Variants in DGCR2 observed in about 807,000 individuals in gnomAD.
DGCR2 encodes the protein integral membrane protein DGCR2/IDD.
DGCR2 carries 24 observed loss-of-function variants against 51.6 expected under a neutral mutation model. The observed-to-expected ratio is 0.47, with a 90% CI of 0.34 to 0.65. The LOEUF (loss-of-function observed/expected upper bound fraction) is 0.65, where lower values mean the gene tolerates loss of function less well. Among genes scored for constraint, DGCR2 ranks in the 30% least tolerant of loss-of-function variants. The pLI, the probability that DGCR2 is intolerant of heterozygous loss-of-function variation, is 0.01. For synonymous variants in DGCR2, 340 were observed against 315.4 expected, an observed-to-expected ratio of 1.08 and a Z score of -0.82; for missense variants, 765 against 772.1, an observed-to-expected ratio of 0.99 and a Z score of 0.11.
chr22:19,074,801 C>T (rs114029962), intron 2 of DGCR2, among the ~76,000 whole-genome samples: 30 of 152,202 alleles, frequency 2.0e-4, no homozygotes, highest in African/African-American at 7.2e-4. Context: ...TGGGATGCCC[C>T]GCCCCACCTT....
At chr22:19,048,125 G>C (rs1399318368) in intron 7 of DGCR2, 1 of 419,644 alleles carries the variant, frequency 2.4e-6, no homozygotes, top group African/African-American at 2.0e-5. Flanking sequence ...CCCTGGAGGC[G>C]TAAGTTTGAA....
In DGCR2 at chr22:19,065,067, C is replaced by T. The variant is rs2082733079; in HGVS notation, c.329G>A (p.Ser110Asn). The T allele has an allele frequency of 6.2e-7, 1 of 1,613,468 alleles. No individual in the cohort carries two copies. The change falls in exon 4 of 10, where the codon AGT becomes AAT. Residue 110 changes from serine (S) to asparagine (N), a missense_variant and splice_region_variant. Physicochemically the swap from Ser to Asn is conservative, Grantham distance 46 (BLOSUM62 1). Around this residue, in one of 3 missense-constraint regions of DGCR2, gnomAD observed 370 missense variants for 325.5 expected, o/e 1.14. Transcript: ENST00000263196. ...VNVAQPVRFS[S>N]FLGKCPTGWH... Reference sequence around the variant, plus strand: ...CCCTGTCGGGCACTTCCCTAGGAAACATAAAGGACAGAAGGGGAGTTGTCC... The same window carrying T: ...CCCTGTCGGGCACTTCCCTAGGAAATATAAAGGACAGAAGGGGAGTTGTCC...
chr22:19,117,082 A>C (rs1227160518), intron 1 of DGCR2, among the ~76,000 whole-genome samples: 2 of 152,086 alleles, frequency 1.3e-5, no homozygotes, highest in Non-Finnish European at 2.9e-5. Flanking sequence ...ACACACACAG[A>C]TCACTCACCT....
intron 1 of DGCR2, among the ~76,000 whole-genome samples, chr22:19,117,219 T>TTATAA (rs2083382902): frequency 6.6e-6 from 1 of 152,102 alleles, no homozygotes; most frequent in East Asian, 1.9e-4. Context: ...CTCTGGGAAG[T>TTATAA]GGGAAGGAAG....
intron 5 of DGCR2, 148 bp downstream of exon 5, chr22:19,063,054 C>G (rs942009643): frequency 2.9e-6 from 2 of 699,772 alleles, no homozygotes; most frequent in East Asian, 2.7e-5. Flanking sequence ...GCCCCATGAC[C>G]GCAGCCCTCC....
intron 1 of DGCR2, among the ~76,000 whole-genome samples, chr22:19,096,890 A>C (rs572899368): frequency 2.2e-4 from 31 of 137,958 alleles, no homozygotes; most frequent in African/African-American, 4.5e-4. Context: ...ATTAAAAAAA[A>C]AAACAAAAAA....
chr22:19,099,504 G>C (rs1354517423), intron 1 of DGCR2, among the ~76,000 whole-genome samples: 1 of 151,874 alleles, frequency 6.6e-6, no homozygotes, highest in African/African-American at 2.4e-5. Flanking sequence ...AATCACCTCA[G>C]CCTGAGAAGT....
chr22:19,057,652 T>A lies in DGCR2; in HGVS notation c.626-490A>T, dbSNP rs554920763. Among the ~76,000 whole-genome samples, 1 of 152,200 alleles carries A rather than the reference T, an allele frequency of 6.6e-6. No individual in the cohort carries two copies. The highest frequency in any genetic ancestry group is 1.5e-5 in the Non-Finnish European group (1 of 68,018). On this transcript the variant is annotated intron_variant, in intron 5 of 9. Transcript: ENST00000263196. The surrounding 1 kb of genome is among the most constrained non-coding windows in gnomAD (Gnocchi z 5.1). ...AGGAGAAAGGCGCCGTCAGGCAGCA[T>A]TGGCACTGGCCGGCACTGCCAGCAG...
At chr22:19,078,920 T>C (rs540573176) in intron 2 of DGCR2, among the ~76,000 whole-genome samples, 3 of 152,334 alleles carry the variant, frequency 2.0e-5, no homozygotes, top group African/African-American at 7.2e-5. Context: ...CTTTAAACGT[T>C]TGGAGAATTC....
chr22:19,062,779 A>ACTCTCTCTCTCTCT (rs11471797), intron 5 of DGCR2, among the ~76,000 whole-genome samples: 126 of 127,412 alleles, frequency 9.9e-4, no homozygotes, highest in African/African-American at 1.9e-3. Context: ...ATGCATGCTC[A>ACTCTCTCTCTCTCT]CTCTCTCTCT....
At chr22:19,095,529 C>T (rs1601280612) in intron 1 of DGCR2, among the ~76,000 whole-genome samples, 1 of 151,580 alleles carries the variant, frequency 6.6e-6, no homozygotes, top group South Asian at 2.1e-4. Context: ...GGCGTGGTGG[C>T]GGGCGCCTGT....
intron 7 of DGCR2, chr22:19,046,739 G>T: frequency 2.3e-6 from 1 of 439,820 alleles, no homozygotes; most frequent in Admixed American, 2.4e-5. Flanking sequence ...GCAGAGCAGG[G>T]CCCAGCTAAG....
At chr22:19,069,494 C>G (rs1026636836) in intron 2 of DGCR2, among the ~76,000 whole-genome samples, 11 of 152,348 alleles carry the variant, frequency 7.2e-5, no homozygotes, top group Non-Finnish European at 1.0e-4. Flanking sequence ...ATGCGAGCAT[C>G]TGCCCCCTCA....
chr22:19,122,063 G>C (rs1487122660), intron 1 of DGCR2, 65 bp downstream of exon 1: 4 of 1,275,114 alleles, frequency 3.1e-6, no homozygotes, highest in African/African-American at 1.6e-5. Flanking sequence ...GTGAAAGGAG[G>C]TCCCGGGGCG....
chr22:19,054,122 A>G (rs2082576710), intron 6 of DGCR2, among the ~76,000 whole-genome samples: 1 of 152,236 alleles, frequency 6.6e-6, no homozygotes. Flanking sequence ...GGAATAATGG[A>G]TTGTGGATTA....
Position 19,038,970 on chromosome 22 carries a change from G to C in DGCR2, c.1548C>G (p.Ala516=). The change falls in exon 10 of 10, where the codon GCC becomes GCG. Residue 516 remains alanine, a synonymous_variant. Coordinates refer to ENST00000263196, the MANE Select transcript of DGCR2 (RefSeq NM_005137.3). ...DLEDSADSSS[A]LLVPPDPAQS... ...GGGCAGGGTCAGGGGGCACGAGCAG[G>C]GCGCTGCTGCTGTCGGCAGAGTCTT... 1 of 1,612,010 alleles carries C rather than the reference G, an allele frequency of 6.2e-7. No individual in the cohort carries two copies. The highest frequency in any genetic ancestry group is 1.7e-5 in the Admixed American group (1 of 59,878).
chr22:19,085,018 T>A (rs1333184160), intron 2 of DGCR2, among the ~76,000 whole-genome samples: 1 of 151,168 alleles, frequency 6.6e-6, no homozygotes, highest in Non-Finnish European at 1.5e-5. Flanking sequence ...GATTGAGAAA[T>A]CGGATGGTTG....
intron 6 of DGCR2, among the ~76,000 whole-genome samples, chr22:19,056,776 C>A (rs916938168): frequency 6.6e-6 from 1 of 152,054 alleles, no homozygotes; most frequent in Non-Finnish European, 1.5e-5. Flanking sequence ...AAGCTGGGCT[C>A]TAAGATGCTT....
intron 1 of DGCR2, among the ~76,000 whole-genome samples, chr22:19,112,534 T>G (rs1423480973): frequency 7.6e-6 from 1 of 132,098 alleles, no homozygotes; most frequent in Non-Finnish European, 1.7e-5. Flanking sequence ...CTCTGCTCAC[T>G]GGGCTCAAAC....
Sources: gnomAD v4.1 joint callset for allele counts (sites outside exome capture counted in the v4.1 genomes callset) on GRCh38, gnomAD v4.1.1 for gene constraint, gnomAD v4.1.1 regional missense constraint, Gnocchi (gnomAD v3.1) non-coding constraint, MANE v1.5 for transcripts, NCBI Gene and HGNC (gene_info 2026-07-23, HGNC 2026-07-21) for gene names.